VWC2L: variants seen among roughly 807,000 people sequenced by gnomAD.
The protein encoded by VWC2L is von Willebrand factor C domain-containing protein 2-like.
A neutral mutation model predicts 21.6 loss-of-function variants in VWC2L; 10 were observed. The observed-to-expected ratio is 0.46, with a 90% CI of 0.29 to 0.78. The LOEUF is 0.78. VWC2L is among the 30% of genes least tolerant of loss of function. VWC2L has a pLI of 0.10. For missense variants in VWC2L, 209 were observed against 277.1 expected (o/e 0.75, Z 1.74); for synonymous variants, 96 against 94.3 (o/e 1.02, Z -0.10).
chr2:214,448,941 A>G (rs948374433), intron 3 of VWC2L, among the ~76,000 whole-genome samples: 1 of 152,072 alleles, frequency 6.6e-6, no homozygotes, highest in Non-Finnish European at 1.5e-5. Context: ...GAGTCATCCT[A>G]CAGGCACCTA....
chr2:214,566,628 G>T (rs983856382), intron 3 of VWC2L, among the ~76,000 whole-genome samples: 10 of 152,058 alleles, frequency 6.6e-5, no homozygotes, highest in African/African-American at 2.4e-4. Flanking sequence ...GTAACACAGG[G>T]ATGAGTGAGT....
At chr2:214,489,799 G>A (rs999132046) in intron 3 of VWC2L, among the ~76,000 whole-genome samples, 1 of 152,178 alleles carries the variant, frequency 6.6e-6, no homozygotes, top group Non-Finnish European at 1.5e-5. Context: ...CACTGTGGGA[G>A]TGCTCTGCTC....
At chr2:214,469,246 G>A (rs1703268557) in intron 3 of VWC2L, among the ~76,000 whole-genome samples, 1 of 152,132 alleles carries the variant, frequency 6.6e-6, no homozygotes, top group African/African-American at 2.4e-5. Flanking sequence ...TGCAATTAAT[G>A]ACGATCTTAT....
chr2:214,519,517 G>A (rs1234786294), intron 3 of VWC2L, among the ~76,000 whole-genome samples: 1 of 152,172 alleles, frequency 6.6e-6, no homozygotes, highest in Non-Finnish European at 1.5e-5. Flanking sequence ...AGTGTGTCTT[G>A]AAAACCAAGA....
chr2:214,432,844 A>G (rs1350785046), intron 2 of VWC2L, among the ~76,000 whole-genome samples: 2 of 152,188 alleles, frequency 1.3e-5, no homozygotes, highest in Middle Eastern at 3.4e-3. Flanking sequence ...CAACATGGTA[A>G]GACCCTGTCT....
chr2:214,434,814 C>T (rs1055921016), intron 2 of VWC2L, among the ~76,000 whole-genome samples: 6 of 152,134 alleles, frequency 3.9e-5, no homozygotes, highest in African/African-American at 1.4e-4. Context: ...AAACATTTTG[C>T]ATTTGAAAAT....
rs116748852 is a variant in VWC2L at position 214,514,535 on chromosome 2, T to C, written c.521-61137T>C. On this transcript the variant is annotated intron_variant, in intron 3 of 3. Coordinates refer to ENST00000312504, the MANE Select transcript of VWC2L (RefSeq NM_001080500.4). ...TTATTTTTACAACTAAATCCCACCC[T>C]CCACTTCAGCATATTCAGTTGCGAA... Among the ~76,000 whole-genome samples, 1,234 of 152,238 alleles carry C rather than the reference T, an allele frequency of 8.1e-3. 7 individuals carry two copies. Among genetic ancestry groups the C allele is most frequent in the Middle Eastern group, 0.024 (7 of 294 alleles).
intron 3 of VWC2L, among the ~76,000 whole-genome samples, chr2:214,509,839 G>A (rs1689025500): frequency 6.6e-6 from 1 of 152,002 alleles, no homozygotes; most frequent in Non-Finnish European, 1.5e-5. Flanking sequence ...TCATGATTGT[G>A]GATTTATACA....
intron 3 of VWC2L, among the ~76,000 whole-genome samples, chr2:214,530,783 T>C (rs895618062): frequency 1.3e-5 from 2 of 152,176 alleles, no homozygotes; most frequent in Non-Finnish European, 2.9e-5. Context: ...TTATATAAAA[T>C]TTATGCCCAC....
Position 214,436,434 on chromosome 2 carries a change from G to C in VWC2L, c.391-195G>C, listed in dbSNP as rs554927817. 2.6e-5 allele frequency: 15 copies of C among 582,980 alleles called. No homozygotes were observed. In the Admixed American group the frequency reaches 3.7e-4, roughly 14 times the overall value. 36.1% of individuals were successfully genotyped at this position (582,980 alleles called of 1,614,324 possible). A position where few individuals can be genotyped will look rare whatever the true frequency, so the allele number is the denominator to read the frequency against. On this transcript the variant is annotated intron_variant, in intron 2 of 3. Transcript: ENST00000312504. ...GCTTTTCTTGTTCACAGCAACCTGA[G>C]TGCAGGTTGTAATCCACTGTGACTT... is the stretch of plus-strand genomic sequence containing the variant.
intron 3 of VWC2L, among the ~76,000 whole-genome samples, chr2:214,521,038 A>G (rs1689230804): frequency 6.6e-6 from 1 of 151,882 alleles, no homozygotes; most frequent in Non-Finnish European, 1.5e-5. Context: ...CCTGACTAAC[A>G]CGGTGAAACC....
intron 3 of VWC2L, among the ~76,000 whole-genome samples, chr2:214,504,095 G>A (rs1387750106): frequency 6.6e-6 from 1 of 152,182 alleles, no homozygotes; most frequent in Non-Finnish European, 1.5e-5. Context: ...GTACAAATAC[G>A]ACCAGTTGGG....
At chr2:214,526,311 T>C (rs1689336924) in intron 3 of VWC2L, among the ~76,000 whole-genome samples, 1 of 152,140 alleles carries the variant, frequency 6.6e-6, no homozygotes, top group Non-Finnish European at 1.5e-5. Flanking sequence ...TGTAGTTCTA[T>C]ACATATATTT....
At chr2:214,489,485 A>C (rs981858315) in intron 3 of VWC2L, among the ~76,000 whole-genome samples, 2 of 152,206 alleles carry the variant, frequency 1.3e-5, no homozygotes, top group African/African-American at 4.8e-5. Context: ...AGAAGGGGAT[A>C]GAGTACAGAG....
chr2:214,539,049 C>G (rs541529557), intron 3 of VWC2L, among the ~76,000 whole-genome samples: 111 of 152,244 alleles, frequency 7.3e-4, no homozygotes, highest in South Asian at 4.1e-3. Context: ...ATACCTGCTG[C>G]AATGCTGCCT....
intron 3 of VWC2L, among the ~76,000 whole-genome samples, chr2:214,510,554 T>C (rs1689036877): frequency 6.6e-6 from 1 of 152,194 alleles, no homozygotes; most frequent in Admixed American, 6.5e-5. Context: ...TTAACTTACT[T>C]CTAGTTTCCT....
At chr2:214,531,569 A>G (rs1689436189) in intron 3 of VWC2L, among the ~76,000 whole-genome samples, 1 of 152,070 alleles carries the variant, frequency 6.6e-6, no homozygotes, top group South Asian at 2.1e-4. Context: ...AGGGAGGGTA[A>G]GCTCTTCAGT....
intron 3 of VWC2L, among the ~76,000 whole-genome samples, chr2:214,503,164 C>T (rs1161755139): frequency 2.6e-5 from 4 of 152,086 alleles, no homozygotes; most frequent in African/African-American, 4.8e-5. Context: ...AGAGTTTTGA[C>T]CTAGATCTCT....
At chr2:214,532,414 A>T (rs1276777265) in intron 3 of VWC2L, among the ~76,000 whole-genome samples, 1 of 152,148 alleles carries the variant, frequency 6.6e-6, no homozygotes. Flanking sequence ...TTGCTATCAC[A>T]CTAAGAAACA....
Sources: gnomAD v4.1 joint callset for allele counts (sites outside exome capture counted in the v4.1 genomes callset) on GRCh38, gnomAD v4.1.1 for gene constraint, MANE v1.5 for transcripts, NCBI Gene and HGNC (gene_info 2026-07-23, HGNC 2026-07-21) for gene names.